Variants in NKAIN3 observed in about 807,000 individuals in gnomAD.
NKAIN3 encodes the protein sodium/potassium-transporting ATPase subunit beta-1-interacting protein 3.
NKAIN3 carries 25 observed loss-of-function variants against 30.2 expected under a neutral mutation model. That is an observed-to-expected ratio of 0.83 (90% CI 0.60 to 1.16). NKAIN3 has a LOEUF of 1.16. Ranked by LOEUF, NKAIN3 falls within the 50% of genes most tolerant of loss-of-function variation. The pLI, the probability that NKAIN3 is intolerant of heterozygous loss-of-function variation, is 0.00. For synonymous variants in NKAIN3, 91 were observed against 89.6 expected (o/e 1.02, Z -0.09); for missense variants, 225 against 254.1 (o/e 0.89, Z 0.78).
At position 62,249,748 on chromosome 8, in the gene NKAIN3, TCAGGCGGCGACAGACTGA is replaced by T. The variant is rs552914223; in HGVS notation, c.54+625_54+642del. ...TGGATTTTGTTGAAATGTTGCATGT[TCAGGCGGCGACAGACTGA>T]CAGCTGTCATCAAGGAGAGAACAGA... On this transcript the variant is annotated intron_variant, in intron 1 of 6. Transcript: ENST00000623646. Among the ~76,000 whole-genome samples the T allele has an allele frequency of 7.3e-4, 111 of 152,302 alleles. 1 individual carries two copies. The East Asian group carries it at 0.021, about 29-fold the overall frequency.
At chr8:62,938,139 G>A (rs1822845243) in intron 5 of NKAIN3, among the ~76,000 whole-genome samples, 1 of 152,056 alleles carries the variant, frequency 6.6e-6, no homozygotes, top group Admixed American at 6.5e-5. Flanking sequence ...AAAGACAAAA[G>A]ACATAATATC....
At chr8:62,643,832 A>G (rs965905058) in intron 3 of NKAIN3, among the ~76,000 whole-genome samples, 5 of 152,084 alleles carry the variant, frequency 3.3e-5, no homozygotes, top group Admixed American at 2.0e-4. Flanking sequence ...TTTTTTATAT[A>G]TAAGTTGTTG....
At chr8:62,713,905 A>G (rs1183536562) in intron 3 of NKAIN3, among the ~76,000 whole-genome samples, 2 of 152,172 alleles carry the variant, frequency 1.3e-5, no homozygotes. Context: ...GCTTTTATTA[A>G]TAGTTTTTTC....
At position 62,767,823 on chromosome 8, in the gene NKAIN3, T is replaced by C. The variant is rs936869685; in HGVS notation, c.471+20694T>C. ...GGTCCAAATGAGAGTGCTTTAAGTA[T>C]AGAATGCACACTAGATTTGGAAAAC... On this transcript the variant is annotated intron_variant, in intron 4 of 6. Coordinates refer to ENST00000623646, the MANE Select transcript of NKAIN3 (RefSeq NM_001304533.3). 1.9e-4 allele frequency among the ~76,000 whole-genome samples: 29 copies of C among 151,914 alleles called. 1 individual carries two copies. Among genetic ancestry groups the C allele is most frequent in the Non-Finnish European group, 2.9e-5 (2 of 67,996 alleles).
chr8:62,477,523 C>A (rs1773383599), intron 1 of NKAIN3, among the ~76,000 whole-genome samples: 1 of 152,132 alleles, frequency 6.6e-6, no homozygotes, highest in African/African-American at 2.4e-5. Context: ...TATTCCCTCA[C>A]AGGATGGTTG....
intron 1 of NKAIN3, among the ~76,000 whole-genome samples, chr8:62,464,052 A>G (rs535114846): frequency 3.3e-5 from 5 of 152,324 alleles, no homozygotes; most frequent in South Asian, 2.1e-4. Context: ...TGAAATCCAC[A>G]TAAGTGATTT....
chr8:62,506,000 T>A (rs1807622485), intron 1 of NKAIN3, among the ~76,000 whole-genome samples: 1 of 152,150 alleles, frequency 6.6e-6, no homozygotes, highest in Non-Finnish European at 1.5e-5. Context: ...TTCCTCCATC[T>A]TTTAAGCCAA....
intron 5 of NKAIN3, among the ~76,000 whole-genome samples, chr8:62,997,678 C>G (rs1481930631): frequency 6.6e-6 from 1 of 151,388 alleles, no homozygotes; most frequent in Non-Finnish European, 1.5e-5. Context: ...TTACTTTGCC[C>G]TATAGTGAGA....
At chr8:62,506,476 C>CTGTTTTTTTT (rs1554540952) in intron 1 of NKAIN3, among the ~76,000 whole-genome samples, 1 of 98,438 alleles carries the variant, frequency 1.0e-5, no homozygotes, top group East Asian at 3.0e-4. Flanking sequence ...TTCTTTCTTT[C>CTGTTTTTTTT]TTTTTTTTTT....
intron 1 of NKAIN3, among the ~76,000 whole-genome samples, chr8:62,535,919 C>A (rs781753484): frequency 1.3e-5 from 2 of 152,148 alleles, no homozygotes; most frequent in Admixed American, 6.6e-5. Context: ...ACATCAATGG[C>A]CTGCCTCTGA....
At chr8:62,277,231 T>C (rs1368307277) in intron 1 of NKAIN3, among the ~76,000 whole-genome samples, 1 of 152,158 alleles carries the variant, frequency 6.6e-6, no homozygotes, top group East Asian at 1.9e-4. Flanking sequence ...GGGTAGGAAA[T>C]TATATAAGTA....
At chr8:62,360,170 A>G (rs1046572069) in intron 1 of NKAIN3, among the ~76,000 whole-genome samples, 1 of 152,216 alleles carries the variant, frequency 6.6e-6, no homozygotes, top group African/African-American at 2.4e-5. Flanking sequence ...TTGAGTCACC[A>G]GGTAGCTATT....
chr8:62,733,785 C>A (rs527872934), intron 3 of NKAIN3, among the ~76,000 whole-genome samples: 70 of 152,214 alleles, frequency 4.6e-4, no homozygotes, highest in African/African-American at 1.7e-3. Flanking sequence ...GAATATATAG[C>A]TCTTTGTGTT....
intron 4 of NKAIN3, among the ~76,000 whole-genome samples, chr8:62,808,009 TTAAAC>T (rs1349324299): frequency 6.6e-6 from 1 of 152,076 alleles, no homozygotes; most frequent in Non-Finnish European, 1.5e-5. Context: ...TTTTAAAAAG[TTAAAC>T]TAATTTAAAA....
chr8:62,297,303 A>G (rs1813863949), intron 1 of NKAIN3, among the ~76,000 whole-genome samples: 1 of 152,208 alleles, frequency 6.6e-6, no homozygotes, highest in Non-Finnish European at 1.5e-5. Flanking sequence ...AACGGCAACA[A>G]AAGCCAAAAT....
At chr8:62,506,476 C>CTTTTTTTTTTTTTTTTTTT (rs71255341) in intron 1 of NKAIN3, among the ~76,000 whole-genome samples, 18 of 98,436 alleles carry the variant, frequency 1.8e-4, no homozygotes, top group African/African-American at 3.7e-4. Flanking sequence ...TTCTTTCTTT[C>CTTTTTTTTTTTTTTTTTTT]TTTTTTTTTT....
chr8:62,970,296 AT>A lies in NKAIN3; in HGVS notation c.*4890del, dbSNP rs951597119. On this transcript the variant is annotated 3_prime_UTR_variant, in exon 7 of 7. Transcript: ENST00000623646. The stretch of plus-strand genomic sequence containing the variant: ...TTATCAATAAAGAATTCTCAAAAAA[AT>A]GGAATTATCAAAAAATTCAAAAGTT... 3.9e-5 allele frequency among the ~76,000 whole-genome samples: 6 copies of A among 152,166 alleles called. No homozygotes were observed. Among genetic ancestry groups the A allele is most frequent in the African/African-American group, 1.4e-4 (6 of 41,452 alleles).
intron 1 of NKAIN3, among the ~76,000 whole-genome samples, chr8:62,465,416 A>T (rs1170315732): frequency 2.6e-5 from 4 of 152,242 alleles, no homozygotes; most frequent in Admixed American, 2.6e-4. Flanking sequence ...AAGGAAAAAA[A>T]CAAGGGCCTA....
At chr8:62,636,130 T>C (rs777153458) in intron 3 of NKAIN3, among the ~76,000 whole-genome samples, 5 of 152,160 alleles carry the variant, frequency 3.3e-5, no homozygotes, top group Non-Finnish European at 5.9e-5. Context: ...TTATTCCTTC[T>C]TACAGTTTCA....
Sources: gnomAD v4.1 joint callset for allele counts (sites outside exome capture counted in the v4.1 genomes callset) on GRCh38, gnomAD v4.1.1 for gene constraint, MANE v1.5 for transcripts, NCBI Gene and HGNC (gene_info 2026-07-23, HGNC 2026-07-21) for gene names.